TRIM36: variants seen among roughly 807,000 people sequenced by gnomAD.
TRIM36 encodes the protein E3 ubiquitin-protein ligase TRIM36.
A neutral mutation model predicts 72.4 loss-of-function variants in TRIM36; 42 were observed. That is an observed-to-expected ratio of 0.58 (90% CI 0.45 to 0.75). TRIM36 has a LOEUF of 0.75. TRIM36 is among the 30% of genes least tolerant of loss of function. The probability of loss-of-function intolerance (pLI) is 0.00; values close to 1 mark genes in which losing one functional copy is unlikely to be tolerated. For synonymous variants in TRIM36, 315 were observed against 282.8 expected (o/e 1.11, Z -1.14); for missense variants, 913 against 857.1 (o/e 1.07, Z -0.81).
intron 8 of TRIM36, 37 bp from the exon 9 acceptor site, chr5:115,130,926 T>G: frequency 6.4e-7 from 1 of 1,573,684 alleles, no homozygotes; most frequent in Non-Finnish European, 8.6e-7. Context: ...GGCTAAAAAT[T>G]ATCATTGCTC....
chr5:115,180,190 G>A (rs887604712), upstream of TRIM36: 5 of 718,654 alleles, frequency 7.0e-6, no homozygotes, highest in Non-Finnish European at 1.1e-5. Context: ...GGGAAAGCAA[G>A]AAGCGGGCTT....
At chr5:115,128,562 C>T (rs970228211) in intron 9 of TRIM36, among the ~76,000 whole-genome samples, 8 of 148,206 alleles carry the variant, frequency 5.4e-5, no homozygotes, top group African/African-American at 1.7e-4. Context: ...ACCATCCTGG[C>T]TAACAAGGTG....
intron 6 of TRIM36, 98 bp from the exon 7 acceptor site, chr5:115,137,222 CAAAATT>C: frequency 6.8e-7 from 1 of 1,474,692 alleles, no homozygotes; most frequent in Non-Finnish European, 9.0e-7. Flanking sequence ...ACACTTCACT[CAAAATT>C]AAAGTTAAGA....
chr5:115,173,739 G>A (rs1755221901), upstream of TRIM36, among the ~76,000 whole-genome samples: 1 of 152,100 alleles, frequency 6.6e-6, no homozygotes, highest in Non-Finnish European at 1.5e-5. Flanking sequence ...TGTATATGCT[G>A]TCCCTTGGTG....
chr5:115,178,076 A>T (rs1309895217), intron 1 of TRIM36, among the ~76,000 whole-genome samples: 2 of 152,178 alleles, frequency 1.3e-5, no homozygotes, highest in Non-Finnish European at 2.9e-5. Context: ...TTCATAGGAC[A>T]TCCATCAGTC....
intron 2 of TRIM36, among the ~76,000 whole-genome samples, chr5:115,163,080 C>A (rs1754570355): frequency 6.6e-6 from 1 of 151,942 alleles, no homozygotes; most frequent in Non-Finnish European, 1.5e-5. Context: ...GACTCAGACT[C>A]CCAGGTAGCT....
chr5:115,155,111 C>T (rs1253740383), intron 2 of TRIM36, among the ~76,000 whole-genome samples: 1 of 152,116 alleles, frequency 6.6e-6, no homozygotes, highest in African/African-American at 2.4e-5. Context: ...ATCGCCTGAA[C>T]CTGGGAGGCG....
chr5:115,147,827 G>A (rs1368412248), intron 2 of TRIM36, among the ~76,000 whole-genome samples: 1 of 152,136 alleles, frequency 6.6e-6, no homozygotes, highest in African/African-American at 2.4e-5. Flanking sequence ...AAAAGAGCAG[G>A]GGTCCCTAGC....
At chr5:115,161,989 C>G (rs1035875250) in intron 2 of TRIM36, among the ~76,000 whole-genome samples, 1 of 152,300 alleles carries the variant, frequency 6.6e-6, no homozygotes, top group Middle Eastern at 3.4e-3. Flanking sequence ...CATTTCTGGA[C>G]AGCCTTAGTG....
At chr5:115,171,256 G>A, upstream of TRIM36, 3 of 1,611,980 alleles carry the variant, frequency 1.9e-6, no homozygotes, top group Non-Finnish European at 1.7e-6. Context: ...AAACACTGAG[G>A]GACTATAGCA....
chr5:115,145,490 G>T (rs1427955728), intron 3 of TRIM36, among the ~76,000 whole-genome samples: 1 of 152,106 alleles, frequency 6.6e-6, no homozygotes, highest in Non-Finnish European at 1.5e-5. Context: ...TTAAGCAATT[G>T]TAACTTGTCT....
At chr5:115,161,552 T>A (rs116587219) in intron 2 of TRIM36, among the ~76,000 whole-genome samples, 2 of 152,190 alleles carry the variant, frequency 1.3e-5, no homozygotes, top group African/African-American at 4.8e-5. Flanking sequence ...ATAATCTGAA[T>A]TGAAAATATT....
chr5:115,142,903 G>C (rs1039728653), intron 4 of TRIM36, among the ~76,000 whole-genome samples: 3 of 152,118 alleles, frequency 2.0e-5, no homozygotes, highest in Non-Finnish European at 2.9e-5. Flanking sequence ...TGGATCAGTG[G>C]TTCTCAAACA....
intron 3 of TRIM36, among the ~76,000 whole-genome samples, chr5:115,145,344 A>G (rs1350288501): frequency 6.6e-6 from 1 of 152,164 alleles, no homozygotes; most frequent in African/African-American, 2.4e-5. Flanking sequence ...AACTATTATC[A>G]TAGAGGATTA....
chr5:115,139,945 C>T (rs1383330376), intron 5 of TRIM36, among the ~76,000 whole-genome samples: 1 of 152,064 alleles, frequency 6.6e-6, no homozygotes, highest in Non-Finnish European at 1.5e-5. Flanking sequence ...CTGAGAGGAC[C>T]AACAAACAAG....
chr5:115,135,675 CA>C (rs1474799890), intron 7 of TRIM36, among the ~76,000 whole-genome samples: 1 of 152,056 alleles, frequency 6.6e-6, no homozygotes, highest in Admixed American at 6.5e-5. Flanking sequence ...ACCTAGGACT[CA>C]CAAGTAAGCA....
rs148167239 is a variant in TRIM36, at chr5:115,130,725, T to A, written c.1663A>T (p.Thr555Ser). The A allele has an allele frequency of 2.5e-6, 4 of 1,614,180 alleles. No homozygotes were observed. Among genetic ancestry groups the A allele is most frequent in the Non-Finnish European group, 3.4e-6 (4 of 1,180,024 alleles). Residue 555 changes from threonine (T) to serine (S), a missense_variant, in exon 9 of 10, where the codon ACT (threonine) becomes TCT (serine). Coordinates refer to ENST00000513154, the MANE Select transcript of TRIM36 (RefSeq NM_001300759.2). ...AAGTGTTTTCCTTTTGTAATGCCAG[T>A]ATCTCCAATGATGTAGTCTAAGCTT... Reference protein sequence around the residue: ...YTSLDYIIGDTGITKGKHFWA... With the variant: ...YTSLDYIIGDSGITKGKHFWA...
chr5:115,163,490 C>A (rs368593927), intron 2 of TRIM36, 28 bp downstream of exon 2: 1 of 1,592,088 alleles, frequency 6.3e-7, no homozygotes. Context: ...CCCCCACTAC[C>A]ATCCCAGCCC....
In TRIM36 at chr5:115,126,596, T is replaced by G. The variant is rs1752368180; in HGVS notation, c.2058A>C (p.Thr686=). 3.7e-6 allele frequency: 6 copies of G among 1,614,188 alleles called. No homozygotes were observed. The East Asian group carries it at 1.1e-4, about 30-fold the overall frequency. ...LYERQVDCSH[T]LYPAFALMGS... ...CCATTAATGCAAATGCTGGATACAGTGTATGTGAACAGTCCACTTGGCGTT... is the reference window on the plus strand; with the variant it reads ...CCATTAATGCAAATGCTGGATACAGGGTATGTGAACAGTCCACTTGGCGTT... Residue 686 remains threonine (T), a synonymous_variant, in exon 10 of 10, where the codon ACA becomes ACC. Transcript: ENST00000513154.
Sources: allele counts gnomAD v4.1 joint callset (sites outside exome capture counted in the v4.1 genomes callset), GRCh38; gene constraint gnomAD v4.1.1; transcripts MANE v1.5; gene names NCBI Gene and HGNC (gene_info 2026-07-23, HGNC 2026-07-21).